The following RNF150 variants were observed in gnomAD, a reference collection of about 807,000 sequenced individuals.
RNF150 encodes the protein ring finger protein 150.
In RNF150, 24 loss-of-function variants were observed where a neutral mutation model predicts 39.3. The ratio of observed to expected loss-of-function variants is 0.61; its 90% CI spans 0.44 to 0.86. The LOEUF (loss-of-function observed/expected upper bound fraction) is 0.86. RNF150 is among the 40% of genes least tolerant of loss of function. The pLI is 0.00. For synonymous variants in RNF150, 255 were observed against 227.3 expected (o/e 1.12, Z -1.10); for missense variants, 502 against 587.8 (o/e 0.85, Z 1.51).
At chr4:141,167,626 A>C (rs1727626874) in intron 1 of RNF150, among the ~76,000 whole-genome samples, 1 of 152,220 alleles carries the variant, frequency 6.6e-6, no homozygotes, top group African/African-American at 2.4e-5. Flanking sequence ...CAACAGCCTC[A>C]GAAATAACAC....
At chr4:140,945,188 C>T (rs1200023348) in intron 4 of RNF150, among the ~76,000 whole-genome samples, 3 of 152,168 alleles carry the variant, frequency 2.0e-5, no homozygotes, top group Admixed American at 6.5e-5. Flanking sequence ...ATCAAATAAT[C>T]GTTTAAACAA....
rs1401038884 is a variant in RNF150 at position 140,860,576 on chromosome 4, T to C, written c.*7685A>G. On this transcript the variant is annotated 3_prime_UTR_variant, in exon 7 of 7. Transcript: ENST00000515673. ...AAGCTAAGTAGACTTTACCCCAACA[T>C]CAATCATTTTACAACAAAAGCATTT... 6.6e-6 allele frequency: 1 copy of C among 152,176 alleles called. No homozygotes were observed. Among genetic ancestry groups the C allele is most frequent in the Non-Finnish European group, 1.5e-5 (1 of 68,022 alleles). The allele number at this position is 152,176 out of a possible 1,614,324, so 9.4% of individuals were successfully genotyped here.
At chr4:141,142,720 T>A (rs1030186642) in intron 1 of RNF150, among the ~76,000 whole-genome samples, 1 of 152,136 alleles carries the variant, frequency 6.6e-6, no homozygotes, top group African/African-American at 2.4e-5. Flanking sequence ...TCTGACACAC[T>A]CTGCTCTCTT....
chr4:141,128,763 T>A (rs959063754), intron 1 of RNF150, among the ~76,000 whole-genome samples: 1 of 152,142 alleles, frequency 6.6e-6, no homozygotes, highest in African/African-American at 2.4e-5. Flanking sequence ...TCACTCTCTC[T>A]TCCCTAGCAT....
intron 1 of RNF150, among the ~76,000 whole-genome samples, chr4:141,063,347 AT>A (rs1737315114): frequency 6.6e-6 from 1 of 152,206 alleles, no homozygotes; most frequent in Non-Finnish European, 1.5e-5. Flanking sequence ...GGATTTCCAA[AT>A]TTAGTGAAGC....
intron 1 of RNF150, among the ~76,000 whole-genome samples, chr4:141,155,274 T>G (rs1336529825): frequency 9.1e-5 from 9 of 99,444 alleles, no homozygotes; most frequent in Admixed American, 8.6e-4. Context: ...TTTTTTTGTA[T>G]TTTTAGTAGA....
At chr4:141,200,510 A>G (rs943767994) in intron 1 of RNF150, among the ~76,000 whole-genome samples, 1 of 151,570 alleles carries the variant, frequency 6.6e-6, no homozygotes, top group Non-Finnish European at 1.5e-5. Flanking sequence ...ATATAGTGGA[A>G]AAGGTGAGAG....
intron 2 of RNF150, among the ~76,000 whole-genome samples, chr4:140,962,587 G>A (rs1324884459): frequency 6.6e-6 from 1 of 151,740 alleles, no homozygotes; most frequent in Non-Finnish European, 1.5e-5. Context: ...CCTTGTGTTT[G>A]GGATTCTATC....
chr4:141,003,566 TACACACACACACACACACAC>T (rs70946725), intron 1 of RNF150, among the ~76,000 whole-genome samples: 4 of 142,460 alleles, frequency 2.8e-5, no homozygotes, highest in Non-Finnish European at 4.6e-5. Flanking sequence ...CCCTAGCACG[TACACACACACACACACACAC>T]ACACACACAC....
intron 5 of RNF150, among the ~76,000 whole-genome samples, chr4:140,918,336 G>A (rs1019603209): frequency 7.3e-5 from 11 of 150,972 alleles, no homozygotes; most frequent in African/African-American, 2.4e-4. Flanking sequence ...TCAAATAGAC[G>A]CAATAAAAAG....
At chr4:140,976,694 C>T (rs542295471) in intron 1 of RNF150, among the ~76,000 whole-genome samples, 2 of 151,994 alleles carry the variant, frequency 1.3e-5, no homozygotes, top group South Asian at 4.2e-4. Flanking sequence ...CCCTTCTCTC[C>T]CTACCAGCCC....
At chr4:140,883,431 A>G (rs1729448833) in intron 6 of RNF150, among the ~76,000 whole-genome samples, 1 of 152,050 alleles carries the variant, frequency 6.6e-6, no homozygotes, top group Admixed American at 6.6e-5. Flanking sequence ...AACTTAAAGA[A>G]CTCACTTTAG....
chr4:141,075,103 A>G (rs116487474), intron 1 of RNF150, among the ~76,000 whole-genome samples: 1,962 of 152,350 alleles, frequency 0.013, 55 homozygotes, highest in African/African-American at 0.045. Context: ...GACCAAAGTC[A>G]CCCAACTAAG....
chr4:141,009,746 T>C (rs1735004710), intron 1 of RNF150, among the ~76,000 whole-genome samples: 1 of 152,234 alleles, frequency 6.6e-6, no homozygotes, highest in Non-Finnish European at 1.5e-5. Flanking sequence ...TCTAGTTTCT[T>C]TCCCTCTCTC....
chr4:141,159,788 C>T (rs1217229820), intron 1 of RNF150, among the ~76,000 whole-genome samples: 1 of 152,196 alleles, frequency 6.6e-6, no homozygotes, highest in African/African-American at 2.4e-5. Flanking sequence ...AAGTGATCCA[C>T]CCACCTTGGC....
chr4:141,065,612 T>C (rs1439104637), intron 1 of RNF150, among the ~76,000 whole-genome samples: 2 of 152,064 alleles, frequency 1.3e-5, no homozygotes, highest in Admixed American at 6.6e-5. Flanking sequence ...TTTTAGAAGG[T>C]AGTAAGATGA....
At chr4:140,907,694 C>T (rs1321808667) in intron 6 of RNF150, among the ~76,000 whole-genome samples, 1 of 152,148 alleles carries the variant, frequency 6.6e-6, no homozygotes, top group African/African-American at 2.4e-5. Flanking sequence ...AATTTTTCCC[C>T]CTGTTCTGTC....
chr4:140,978,623 T>G (rs1045978570), intron 1 of RNF150, among the ~76,000 whole-genome samples: 2 of 152,136 alleles, frequency 1.3e-5, no homozygotes, highest in Non-Finnish European at 2.9e-5. Flanking sequence ...TACAGAATTA[T>G]TTATTGAAGG....
chr4:140,970,620 A>AT (rs1553996630), intron 1 of RNF150, among the ~76,000 whole-genome samples: 2 of 151,874 alleles, frequency 1.3e-5, no homozygotes, highest in East Asian at 1.9e-4. Context: ...AAGGCTTTAA[A>AT]TACTCATCAT....
Sources: gnomAD v4.1 joint callset for allele counts (sites outside exome capture counted in the v4.1 genomes callset) on GRCh38, gnomAD v4.1.1 for gene constraint, MANE v1.5 for transcripts, NCBI Gene and HGNC (gene_info 2026-07-23, HGNC 2026-07-21) for gene names.